TTC3: variants seen among roughly 807,000 people sequenced by gnomAD.
TTC3 encodes E3 ubiquitin-protein ligase TTC3.
TTC3 carries 180 observed loss-of-function variants against 249.6 expected under a neutral mutation model. The ratio of observed to expected loss-of-function variants is 0.72; its 90% confidence interval spans 0.64 to 0.82. The LOEUF (loss-of-function observed/expected upper bound fraction) is 0.82. Ranked by LOEUF, TTC3 falls within the 40% of genes least tolerant of loss-of-function variation. The pLI is 0.00. For missense variants in TTC3, 2,061 were observed against 2,398.4 expected, an observed-to-expected ratio of 0.86 and a Z score of 2.94; for synonymous variants, 717 against 805.0, an observed-to-expected ratio of 0.89 and a Z score of 1.85.
intron 37 of TTC3, 126 bp from the exon 38 acceptor site, chr21:37,186,923 A>G (rs924069157): frequency 1.7e-6 from 1 of 574,308 alleles, no homozygotes; most frequent in Non-Finnish European, 3.0e-6. Flanking sequence ...GAGATGAGAA[A>G]CTGCTCTGGA....
intron 32 of TTC3, among the ~76,000 whole-genome samples, chr21:37,164,673 T>A (rs1265571065): frequency 6.6e-6 from 1 of 152,178 alleles, no homozygotes; most frequent in African/African-American, 2.4e-5. Context: ...AGAGTCCTAA[T>A]GATTATTGAT....
chr21:37,132,353 T>C (rs10470177), intron 16 of TTC3, among the ~76,000 whole-genome samples: 79,776 of 150,294 alleles, frequency 0.53, 21,813 homozygotes, highest in African/African-American at 0.64. Flanking sequence ...TTTTTTTAGA[T>C]GGAGTCTTGC....
chr21:37,148,857 C>A (rs1043501284), intron 23 of TTC3, among the ~76,000 whole-genome samples: 1 of 152,158 alleles, frequency 6.6e-6, no homozygotes, highest in African/African-American at 2.4e-5. Context: ...AGACGGATCT[C>A]ACTGTGTTGC....
chr21:37,079,568 C>G lies in TTC3; in HGVS notation c.-12+6204C>G, dbSNP rs567508845. 1.6e-3 allele frequency among the ~76,000 whole-genome samples: 203 copies of G among 126,922 alleles called. 2 individuals carry two copies. The highest frequency in any genetic ancestry group is 2.6e-3 in the Non-Finnish European group (164 of 64,262). The allele number at this position is 126,922 out of a possible 152,430, so 83.3% of individuals were successfully genotyped here. On this transcript the variant is annotated intron_variant, in intron 1 of 45. Transcript: ENST00000355666. Reference sequence around the variant, plus strand: ...TTTTTTTTTAAGATAGAGTCTCCCTCTGTTGCCCAGGCTGGAGTAGTGCAG... The same window carrying G: ...TTTTTTTTTAAGATAGAGTCTCCCTGTGTTGCCCAGGCTGGAGTAGTGCAG...
chr21:37,189,265 C>T (rs901173897), intron 39 of TTC3, among the ~76,000 whole-genome samples: 4 of 151,962 alleles, frequency 2.6e-5, no homozygotes, highest in Admixed American at 6.6e-5. Context: ...TGTTTTTTTG[C>T]GACAGAGTCT....
intron 11 of TTC3, among the ~76,000 whole-genome samples, chr21:37,120,979 C>T (rs1166149296): frequency 1.3e-5 from 2 of 152,172 alleles, no homozygotes; most frequent in Admixed American, 1.3e-4. Flanking sequence ...TTTCTAGCCT[C>T]TAGCCTCTTT....
chr21:37,153,857 G>A (rs890402940), intron 27 of TTC3, among the ~76,000 whole-genome samples: 2 of 151,970 alleles, frequency 1.3e-5, no homozygotes, highest in African/African-American at 4.8e-5. Flanking sequence ...AATTGCTCAG[G>A]GTCACCTAAG....
chr21:37,155,969 T>C (rs2835634), intron 27 of TTC3, among the ~76,000 whole-genome samples: 1 of 151,814 alleles, frequency 6.6e-6, no homozygotes, highest in Non-Finnish European at 1.5e-5. Context: ...ATATAAAGAA[T>C]CATAAAATCT....
At chr21:37,094,600 A>T (rs1434500702) in intron 8 of TTC3, among the ~76,000 whole-genome samples, 3 of 152,096 alleles carry the variant, frequency 2.0e-5, no homozygotes, top group African/African-American at 7.2e-5. Flanking sequence ...CCTCTATGTT[A>T]TTGATTTATA....
At chr21:37,099,404 G>A (rs2074258370) in intron 10 of TTC3, among the ~76,000 whole-genome samples, 1 of 152,210 alleles carries the variant, frequency 6.6e-6, no homozygotes, top group Non-Finnish European at 1.5e-5. Flanking sequence ...AGGACACTAG[G>A]TGGATGTGAT....
intron 16 of TTC3, among the ~76,000 whole-genome samples, chr21:37,130,899 T>C (rs2077419149): frequency 6.6e-6 from 1 of 152,184 alleles, no homozygotes. Flanking sequence ...ACTTTGTAAA[T>C]AATGTATAGA....
chr21:37,095,690 C>T (rs1466973476), intron 9 of TTC3, among the ~76,000 whole-genome samples: 1 of 152,212 alleles, frequency 6.6e-6, no homozygotes, highest in Non-Finnish European at 1.5e-5. Context: ...TTAAAACTTT[C>T]CAGTACAGAG....
intron 22 of TTC3, 107 bp downstream of exon 22, chr21:37,147,710 G>T: frequency 7.7e-7 from 1 of 1,303,530 alleles, no homozygotes; most frequent in South Asian, 1.4e-5. Context: ...CTAGTTAGCA[G>T]TCGTCCACCC....
intron 1 of TTC3, 26 bp from the exon 2 acceptor site, chr21:37,087,221 G>C: frequency 6.2e-7 from 1 of 1,606,026 alleles, no homozygotes; most frequent in Non-Finnish European, 8.5e-7. Flanking sequence ...TTTAATTACT[G>C]ACTTGAGTTT....
intron 11 of TTC3, among the ~76,000 whole-genome samples, chr21:37,117,849 A>AG (rs2076279271): frequency 6.7e-6 from 1 of 150,326 alleles, no homozygotes; most frequent in South Asian, 2.1e-4. Context: ...AAAAAAAAAA[A>AG]AAAAGAAAAA....
chr21:37,146,776 G>A (rs2079021226), intron 21 of TTC3, among the ~76,000 whole-genome samples: 1 of 152,186 alleles, frequency 6.6e-6, no homozygotes, highest in African/African-American at 2.4e-5. Flanking sequence ...CCGTGGTGAT[G>A]TCAGCACATC....
Position 37,193,643 on chromosome 21 carries a change from T to C in TTC3, c.5217+1430T>C, listed in dbSNP as rs537805884. On this transcript the variant is annotated intron_variant, in intron 41 of 45. Transcript: ENST00000355666. ...TTCATATCCTAAATTCTGGGAACTCTTAGTGTGCCAGGAGCTTGAGTAATA... is the reference window on the plus strand; with the variant it reads ...TTCATATCCTAAATTCTGGGAACTCCTAGTGTGCCAGGAGCTTGAGTAATA... Among the ~76,000 whole-genome samples the C allele has an allele frequency of 2.0e-5, 3 of 152,358 alleles. No homozygotes were observed. In the South Asian group the frequency reaches 6.2e-4, roughly 32 times the overall value.
In TTC3 at chr21:37,086,877, G is replaced by A. The variant is rs994581787; in HGVS notation, c.-11-370G>A. The A allele has an allele frequency of 6.1e-5, 11 of 180,758 alleles. No homozygotes were observed. In the East Asian group the frequency reaches 8.7e-4, roughly 14 times the overall value. The allele number at this position is 180,758 out of a possible 1,614,324, so 11.2% of individuals were successfully genotyped here. On this transcript the variant is annotated intron_variant, in intron 1 of 45. Coordinates refer to ENST00000355666, the Ensembl canonical transcript of TTC3. ...CAGGTAGGGTACAAGTGCAGCAACA[G>A]GAAGATGTCTTTTCTTCATTCAGCA...
chr21:37,090,925 G>T (rs1208523036), intron 6 of TTC3, among the ~76,000 whole-genome samples: 1 of 152,112 alleles, frequency 6.6e-6, no homozygotes, highest in African/African-American at 2.4e-5. Context: ...AAGGATGGAA[G>T]TCTTTGTGTA....
Sources: gnomAD v4.1 joint callset for allele counts (sites outside exome capture counted in the v4.1 genomes callset) on GRCh38, gnomAD v4.1.1 for gene constraint, MANE v1.5 for transcripts, NCBI Gene and HGNC (gene_info 2026-07-23, HGNC 2026-07-21) for gene names.